The following TNIK variants were observed in gnomAD, a reference collection of about 807,000 sequenced individuals.
The protein encoded by TNIK is TRAF2 and NCK interacting kinase.
In TNIK, 49 loss-of-function variants were observed where a neutral mutation model predicts 191.3. The observed-to-expected ratio is 0.26, with a 90% confidence interval of 0.20 to 0.32. The LOEUF is 0.32. Ranked by LOEUF, TNIK falls within the 10% of genes least tolerant of loss-of-function variation. The pLI is 1.00. For synonymous variants in TNIK, 594 were observed against 600.9 expected, an observed-to-expected ratio of 0.99 and a Z score of 0.17; for missense variants, 1,155 against 1,702.3, an observed-to-expected ratio of 0.68 and a Z score of 5.66.
At chr3:171,177,272 CA>C (rs1736081880) in intron 8 of TNIK, 53 bp downstream of exon 8, 16 of 1,564,530 alleles carry the variant, frequency 1.0e-5, no homozygotes, top group Non-Finnish European at 1.7e-6. Context: ...AAGGAAACTT[CA>C]GTACCTGCAG....
At chr3:171,107,080 C>G in intron 21 of TNIK, 103 bp downstream of exon 21, 7 of 1,231,686 alleles carry the variant, frequency 5.7e-6, no homozygotes, top group Non-Finnish European at 8.0e-6. Flanking sequence ...AATCTCCTCC[C>G]AGCTGATTGC....
intron 2 of TNIK, among the ~76,000 whole-genome samples, chr3:171,260,342 A>G (rs756210020): frequency 2.2e-4 from 33 of 152,206 alleles, no homozygotes; most frequent in Non-Finnish European, 4.6e-4. Context: ...GCCTCTCCCA[A>G]TGACCTTGAA....
intron 21 of TNIK, among the ~76,000 whole-genome samples, chr3:171,104,542 TAACA>T (rs1258129328): frequency 5.3e-5 from 8 of 152,266 alleles, no homozygotes; most frequent in African/African-American, 1.9e-4. Context: ...CTACGAGGCT[TAACA>T]GTTTTTAGAA....
At chr3:171,318,805 G>A (rs1186409111) in intron 2 of TNIK, among the ~76,000 whole-genome samples, 1 of 152,020 alleles carries the variant, frequency 6.6e-6, no homozygotes, top group Non-Finnish European at 1.5e-5. Context: ...GGATTCCAAA[G>A]ATTAACAATG....
At chr3:171,265,283 T>A (rs1748243290) in intron 2 of TNIK, among the ~76,000 whole-genome samples, 1 of 152,184 alleles carries the variant, frequency 6.6e-6, no homozygotes, top group Non-Finnish European at 1.5e-5. Flanking sequence ...TTTCAAATAA[T>A]AGGAGAAAAT....
At chr3:171,430,204 G>A (rs1470809614) in intron 1 of TNIK, among the ~76,000 whole-genome samples, 1 of 152,106 alleles carries the variant, frequency 6.6e-6, no homozygotes, top group Non-Finnish European at 1.5e-5. Context: ...CAAGAAACTT[G>A]AGTTTTGCAA....
At chr3:171,118,592 T>G (rs2108538281) in intron 18 of TNIK, among the ~76,000 whole-genome samples, 1 of 152,152 alleles carries the variant, frequency 6.6e-6, no homozygotes, top group Admixed American at 6.5e-5. Flanking sequence ...AAAACAGAGA[T>G]ATAGACCAAT....
At chr3:171,391,467 A>G (rs540952220) in intron 1 of TNIK, among the ~76,000 whole-genome samples, 1 of 152,294 alleles carries the variant, frequency 6.6e-6, no homozygotes, top group South Asian at 2.1e-4. Context: ...AGAGGAGGCA[A>G]CTCTTATTGC....
At chr3:171,079,698 TCA>T (rs2108356734) in intron 27 of TNIK, 46 bp from the exon 28 acceptor site, 28 of 1,554,490 alleles carry the variant, frequency 1.8e-5, no homozygotes, top group Non-Finnish European at 2.4e-5. Flanking sequence ...GTGACAGCTC[TCA>T]CTTTTTCCTT....
chr3:171,154,210 C>T (rs932085567), intron 12 of TNIK, among the ~76,000 whole-genome samples: 2 of 148,598 alleles, frequency 1.3e-5, no homozygotes, highest in African/African-American at 5.0e-5. Context: ...TTACTTTGTA[C>T]ATTAATGCTC....
intron 18 of TNIK, among the ~76,000 whole-genome samples, chr3:171,116,202 T>G (rs1168357585): frequency 6.6e-6 from 1 of 152,218 alleles, no homozygotes; most frequent in Non-Finnish European, 1.5e-5. Flanking sequence ...CTCTCCTTCA[T>G]TATGTATTAA....
chr3:171,319,804 A>G (rs949501247), intron 2 of TNIK, among the ~76,000 whole-genome samples: 1 of 152,196 alleles, frequency 6.6e-6, no homozygotes, highest in African/African-American at 2.4e-5. Flanking sequence ...CCAAAAGGTC[A>G]TAACCTTGTT....
chr3:171,152,047 G>A (rs1022887315), intron 12 of TNIK, among the ~76,000 whole-genome samples: 6 of 152,256 alleles, frequency 3.9e-5, no homozygotes, highest in South Asian at 2.1e-4. Context: ...CTGGGAGACC[G>A]AGGCAGGCAG....
Position 171,391,656 on chromosome 3 carries a change from A to G in TNIK, c.58-21971T>C, listed in dbSNP as rs183382724. Among the ~76,000 whole-genome samples the G allele has an allele frequency of 2.0e-3, 302 of 152,342 alleles. 1 individual carries two copies. Among genetic ancestry groups the G allele is most frequent in the Non-Finnish European group, 3.4e-3 (229 of 68,034 alleles). ...ATTGTTCTTTGTTAAGATGGTATAT[A>G]TAAGCCCCCAATTCTAACCACTTCC... On this transcript the variant is annotated intron_variant, in intron 1 of 32. Coordinates refer to ENST00000436636, the MANE Select transcript of TNIK (RefSeq NM_015028.4).
At chr3:171,338,206 C>T (rs748326630) in intron 2 of TNIK, among the ~76,000 whole-genome samples, 5 of 152,052 alleles carry the variant, frequency 3.3e-5, no homozygotes, top group Non-Finnish European at 7.4e-5. Flanking sequence ...TTAATCCTTC[C>T]ACTCTTCATT....
In TNIK at chr3:171,157,634, C is replaced by T. The variant is rs200227421; in HGVS notation, c.1047G>A (p.Thr349=). 1.7e-5 allele frequency: 27 copies of T among 1,555,872 alleles called. No individual in the cohort carries two copies. Among genetic ancestry groups the T allele is most frequent in the South Asian group, 1.5e-4 (13 of 84,178 alleles). Residue 349 remains threonine, a synonymous_variant, in exon 12 of 33, where the codon ACG becomes ACA. Coordinates refer to ENST00000436636, the MANE Select transcript of TNIK (RefSeq NM_015028.4). ...SSILNLPGES[T]LRRDFLRLQL... is the part of the protein sequence containing the mutation. ...GCAGCCTCAGAAAGTCCCTCCGCAG[C>T]GTCGACTCCCCTGGCAGATTCAGGA...
chr3:171,300,192 T>C (rs1752729914), intron 2 of TNIK, among the ~76,000 whole-genome samples: 1 of 152,180 alleles, frequency 6.6e-6, no homozygotes, highest in Non-Finnish European at 1.5e-5. Context: ...GATGAGTCTT[T>C]AGATATGAGC....
At chr3:171,283,854 G>A (rs1255528036) in intron 2 of TNIK, among the ~76,000 whole-genome samples, 12 of 152,178 alleles carry the variant, frequency 7.9e-5, no homozygotes, top group African/African-American at 2.4e-4. Context: ...GAACTACTTC[G>A]AGGGTACTGT....
At chr3:171,387,419 T>C (rs536575832) in intron 1 of TNIK, among the ~76,000 whole-genome samples, 7 of 152,294 alleles carry the variant, frequency 4.6e-5, no homozygotes, top group African/African-American at 1.2e-4. Flanking sequence ...CCAGTGTGTG[T>C]AACTAAAGCA....
Sources: gnomAD v4.1 joint callset for allele counts (sites outside exome capture counted in the v4.1 genomes callset) on GRCh38, gnomAD v4.1.1 for gene constraint, MANE v1.5 for transcripts, NCBI Gene and HGNC (gene_info 2026-07-23, HGNC 2026-07-21) for gene names.